The following DOCK3 variants were observed in gnomAD, a reference collection of about 807,000 sequenced individuals.
DOCK3 encodes the protein dedicator of cytokinesis 3, also known as dedicator of cytokinesis protein 3.
In DOCK3, 60 loss-of-function variants were observed where a neutral mutation model predicts 265.6. That is an observed-to-expected ratio of 0.23 (90% CI 0.18 to 0.28). The LOEUF (loss-of-function observed/expected upper bound fraction) is 0.28, where lower values mean the gene tolerates loss of function less well. Among genes scored for constraint, DOCK3 ranks in the 10% least tolerant of loss-of-function variants. The pLI is 1.00. For synonymous variants in DOCK3, 881 were observed against 938.0 expected (o/e 0.94, Z 1.11); for missense variants, 1,981 against 2,594.3 (o/e 0.76, Z 5.14).
chr3:51,058,364 G>A (rs1386590846), intron 5 of DOCK3, among the ~76,000 whole-genome samples: 1 of 152,114 alleles, frequency 6.6e-6, no homozygotes, highest in Non-Finnish European at 1.5e-5. Context: ...CTTGTCATGG[G>A]AGATATTGTA....
At chr3:51,270,768 C>A (rs1314844342) in intron 23 of DOCK3, 47 bp from the exon 24 acceptor site, 1 of 1,558,620 alleles carries the variant, frequency 6.4e-7, no homozygotes, top group Non-Finnish European at 8.7e-7. Flanking sequence ...GAAAGATAGA[C>A]ACACACCCTA....
intron 5 of DOCK3, among the ~76,000 whole-genome samples, chr3:50,935,651 T>C (rs2051318112): frequency 6.6e-6 from 1 of 152,326 alleles, no homozygotes; most frequent in African/African-American, 2.4e-5. Flanking sequence ...TAGTACCCTG[T>C]CTTCCATCCT....
At chr3:51,028,990 T>C (rs1575816556) in intron 5 of DOCK3, among the ~76,000 whole-genome samples, 1 of 152,204 alleles carries the variant, frequency 6.6e-6, no homozygotes, top group East Asian at 1.9e-4. Flanking sequence ...GCTTTTTTTA[T>C]TGCCAGAGTT....
At chr3:50,975,265 T>C (rs1230785570) in intron 5 of DOCK3, among the ~76,000 whole-genome samples, 4 of 151,310 alleles carry the variant, frequency 2.6e-5, no homozygotes, top group African/African-American at 9.7e-5. Flanking sequence ...CAGTATGATA[T>C]TGGCTGTGGG....
chr3:51,238,391 C>A (rs1226105239), intron 21 of DOCK3, among the ~76,000 whole-genome samples: 1 of 151,946 alleles, frequency 6.6e-6, no homozygotes, highest in Non-Finnish European at 1.5e-5. Flanking sequence ...ATCCACCTGC[C>A]TTGGCCTCCC....
intron 49 of DOCK3, 81 bp downstream of exon 49, chr3:51,362,755 T>A: frequency 6.5e-7 from 1 of 1,539,480 alleles, no homozygotes; most frequent in Non-Finnish European, 8.8e-7. Context: ...CATCTGTGGC[T>A]GTGTCTTTGA....
chr3:50,911,000 T>C (rs1341111326), intron 4 of DOCK3, among the ~76,000 whole-genome samples: 1 of 90,538 alleles, frequency 1.1e-5, no homozygotes, highest in Non-Finnish European at 2.1e-5. Flanking sequence ...CATTTGTCTG[T>C]TTTTTTTTTG....
chr3:51,160,747 C>T (rs2086084748), intron 12 of DOCK3, 45 bp downstream of exon 12: 1 of 1,589,526 alleles, frequency 6.3e-7, no homozygotes, highest in Admixed American at 1.7e-5. Context: ...TAGCATAAGA[C>T]ATCCCAGCAC....
At chr3:50,871,665 T>C (rs990636825) in intron 3 of DOCK3, among the ~76,000 whole-genome samples, 4 of 152,182 alleles carry the variant, frequency 2.6e-5, no homozygotes, top group Non-Finnish European at 5.9e-5. Flanking sequence ...ATTTGCTCTT[T>C]TGAGGCTATT....
At chr3:51,294,522 CA>C (rs2081965189) in intron 27 of DOCK3, among the ~76,000 whole-genome samples, 1 of 151,860 alleles carries the variant, frequency 6.6e-6, no homozygotes, top group South Asian at 2.1e-4. Context: ...ACTAAAAATA[CA>C]AAAAAATAGC....
intron 12 of DOCK3, among the ~76,000 whole-genome samples, chr3:51,180,885 A>G (rs1487332629): frequency 6.6e-6 from 1 of 152,150 alleles, no homozygotes; most frequent in Non-Finnish European, 1.5e-5. Context: ...CAAAGGAGGG[A>G]AGAGGCAGAA....
At chr3:51,215,236 T>G (rs2108233662) in intron 14 of DOCK3, among the ~76,000 whole-genome samples, 1 of 152,146 alleles carries the variant, frequency 6.6e-6, no homozygotes, top group East Asian at 1.9e-4. Context: ...GCCTCCCGAG[T>G]AGCTGCGACT....
chr3:50,698,517 G>GCTTTTTTTTTTTTTTTTTTTTTTTTTT (rs2035792982), intron 1 of DOCK3, among the ~76,000 whole-genome samples: 1 of 19,506 alleles, frequency 5.1e-5, no homozygotes, highest in Non-Finnish European at 1.2e-4. Flanking sequence ...TATGTTTTTG[G>GCTTTTTTTTTTTTTTTTTTTTTTTTTT]TTTTTTTTTT....
chr3:50,966,490 T>G (rs1286124280), intron 5 of DOCK3, among the ~76,000 whole-genome samples: 2 of 149,756 alleles, frequency 1.3e-5, no homozygotes, highest in South Asian at 4.2e-4. Context: ...CTTGTTTTTT[T>G]TTTTTTTCTT....
intron 12 of DOCK3, among the ~76,000 whole-genome samples, chr3:51,201,000 G>C (rs2088716199): frequency 2.0e-5 from 3 of 151,988 alleles, no homozygotes; most frequent in African/African-American, 2.4e-5. Flanking sequence ...CACCAGGCCT[G>C]CCCTAAAAGA....
chr3:51,225,536 G>A, intron 14 of DOCK3, 113 bp from the exon 15 acceptor site: 7 of 1,466,868 alleles, frequency 4.8e-6, no homozygotes, highest in Admixed American at 2.4e-5. Context: ...AGCTTGGAAT[G>A]CCCTGAACAC....
chr3:51,078,010 G>A (rs926144459), intron 7 of DOCK3, among the ~76,000 whole-genome samples: 28 of 152,170 alleles, frequency 1.8e-4, no homozygotes, highest in Non-Finnish European at 3.2e-4. Context: ...TTAGAAGCCC[G>A]GACCTCACAA....
At chr3:50,844,521 A>T (rs1490607927) in intron 3 of DOCK3, among the ~76,000 whole-genome samples, 1 of 152,132 alleles carries the variant, frequency 6.6e-6, no homozygotes, top group East Asian at 1.9e-4. Flanking sequence ...GTGCCTGGCC[A>T]GCACTTAGAT....
At chr3:51,277,824 C>G (rs2080897442) in intron 26 of DOCK3, 70 bp downstream of exon 26, 1 of 1,553,504 alleles carries the variant, frequency 6.4e-7, no homozygotes, top group East Asian at 2.4e-5. Flanking sequence ...CACTCCCCCT[C>G]CATCTTACCA....
Sources: gnomAD v4.1 joint callset for allele counts (sites outside exome capture counted in the v4.1 genomes callset) on GRCh38, gnomAD v4.1.1 for gene constraint, MANE v1.5 for transcripts, NCBI Gene and HGNC (gene_info 2026-07-23, HGNC 2026-07-21) for gene names.